TAB2: variants seen among roughly 807,000 people sequenced by gnomAD.
TAB2 encodes TGF-beta-activated kinase 1 and MAP3K7-binding protein 2.
A neutral mutation model predicts 65.0 loss-of-function variants in TAB2; 3 were observed. The observed-to-expected ratio is 0.05, with a 90% CI of 0.02 to 0.12. The LOEUF is 0.12. Among genes scored for constraint, TAB2 ranks in the 10% least tolerant of loss-of-function variants. TAB2 has a pLI of 1.00. For missense variants in TAB2, 623 were observed against 840.3 expected, an observed-to-expected ratio of 0.74 and a Z score of 3.20; for synonymous variants, 298 against 285.1, an observed-to-expected ratio of 1.05 and a Z score of -0.46.
At chr6:149,376,767 T>C (rs926312113) in intron 2 of TAB2, among the ~76,000 whole-genome samples, 1 of 152,248 alleles carries the variant, frequency 6.6e-6, no homozygotes, top group Non-Finnish European at 1.5e-5. Flanking sequence ...TGTCTTTGAT[T>C]CTTCCACAGG....
At position 149,378,585 on chromosome 6, in the gene TAB2, G is replaced by C. The variant is rs1227192675; in HGVS notation, c.670G>C (p.Gly224Arg). 6.2e-7 allele frequency: 1 copy of C among 1,613,664 alleles called. No homozygotes were observed. Among genetic ancestry groups the C allele is most frequent in the Non-Finnish European group, 8.5e-7 (1 of 1,180,020 alleles). ...TAGGCCTTACATTACAACTCCTGGTGGTACAACTCGACAGACACAACAGCA... is the reference window on the plus strand; with the variant it reads ...TAGGCCTTACATTACAACTCCTGGTCGTACAACTCGACAGACACAACAGCA... ...YIRPYITTPG[G>R]TTRQTQQHSG... The change falls in exon 3 of 7, where the codon GGT becomes CGT. Residue 224 changes from glycine (G) to arginine (R), a missense_variant. Transcript: ENST00000637181.
At chr6:149,220,281 T>G (rs1383682028) in intron 1 of TAB2, among the ~76,000 whole-genome samples, 1 of 152,228 alleles carries the variant, frequency 6.6e-6, no homozygotes, top group Non-Finnish European at 1.5e-5. Flanking sequence ...CCTTCTTTAA[T>G]GCCATTCAAA....
At chr6:149,266,590 CA>C (rs1188046595) in intron 1 of TAB2, among the ~76,000 whole-genome samples, 2 of 152,214 alleles carry the variant, frequency 1.3e-5, no homozygotes, top group African/African-American at 4.8e-5. Context: ...TTATAACCCA[CA>C]GCTTGATCCC....
At chr6:149,392,691 T>A (rs1406970954) in intron 3 of TAB2, among the ~76,000 whole-genome samples, 1 of 152,240 alleles carries the variant, frequency 6.6e-6, no homozygotes, top group African/African-American at 2.4e-5. Context: ...ACTTGTTGAC[T>A]TCTGTTGTGA....
At chr6:149,240,146 C>T (rs529965630) in intron 1 of TAB2, among the ~76,000 whole-genome samples, 13 of 152,324 alleles carry the variant, frequency 8.5e-5, no homozygotes, top group Admixed American at 8.5e-4. Flanking sequence ...ATTCTAAAAA[C>T]TACATCTTAT....
chr6:149,303,841 T>G (rs959396265), intron 1 of TAB2, among the ~76,000 whole-genome samples: 8 of 152,102 alleles, frequency 5.3e-5, no homozygotes, highest in South Asian at 2.1e-4. Flanking sequence ...AAGGTAAAGG[T>G]GAATCAGTGA....
chr6:149,266,410 C>T (rs924649577), intron 1 of TAB2, among the ~76,000 whole-genome samples: 2 of 152,200 alleles, frequency 1.3e-5, no homozygotes, highest in African/African-American at 2.4e-5. Context: ...ATAACCTGGT[C>T]ACCTCACTGC....
chr6:149,232,685 G>A (rs1472967442), intron 1 of TAB2, among the ~76,000 whole-genome samples: 1 of 152,170 alleles, frequency 6.6e-6, no homozygotes, highest in African/African-American at 2.4e-5. Context: ...ATAACACTAG[G>A]TGTAGTTAGC....
intron 6 of TAB2, among the ~76,000 whole-genome samples, chr6:149,403,248 ATATAT>A (rs1223820131): frequency 5.9e-4 from 18 of 30,578 alleles, no homozygotes; most frequent in African/African-American, 1.8e-3. Flanking sequence ...AAAAAAAAAA[ATATAT>A]ATATATATAT....
intron 1 of TAB2, among the ~76,000 whole-genome samples, chr6:149,272,424 A>G (rs780161312): frequency 1.3e-5 from 2 of 152,230 alleles, no homozygotes; most frequent in South Asian, 4.1e-4. Context: ...TGGAGGCTCT[A>G]GAAGAGAATC....
intron 1 of TAB2, chr6:149,218,857 A>G (rs2114617901): frequency 2.2e-6 from 1 of 447,454 alleles, no homozygotes; most frequent in Non-Finnish European, 4.5e-6. Flanking sequence ...ACTTCTGTAG[A>G]AATGCCTGGG....
Position 149,411,031 on chromosome 6 carries a change from A to G in TAB2, c.*1312A>G, listed in dbSNP as rs1321849090. ...GAAAAGCTGGAAAAAAAAACAAGCA[A>G]ACTTGAACACTGAAGCAACCTCAAG... On this transcript the variant is annotated 3_prime_UTR_variant, in exon 7 of 7. Transcript: ENST00000637181. 4 of 152,636 alleles carry G rather than the reference A, an allele frequency of 2.6e-5. No homozygotes were observed. In the East Asian group the frequency reaches 5.8e-4, roughly 22 times the overall value. The allele number at this position is 152,636 out of a possible 1,614,324, so 9.5% of individuals were successfully genotyped here.
At chr6:149,221,691 A>G (rs1214425973) in intron 1 of TAB2, among the ~76,000 whole-genome samples, 3 of 152,244 alleles carry the variant, frequency 2.0e-5, no homozygotes, top group Admixed American at 2.0e-4. Flanking sequence ...TAGTCTAGGA[A>G]GAAGGGCAAG....
At chr6:149,390,165 G>A (rs143793175) in intron 3 of TAB2, among the ~76,000 whole-genome samples, 1 of 152,264 alleles carries the variant, frequency 6.6e-6, no homozygotes, top group East Asian at 1.9e-4. Context: ...GATTCCTGTT[G>A]TCAACAAAGT....
intron 1 of TAB2, among the ~76,000 whole-genome samples, chr6:149,273,114 G>A (rs909552039): frequency 6.6e-5 from 10 of 152,118 alleles, no homozygotes; most frequent in South Asian, 2.1e-4. Context: ...ACCACTGATC[G>A]AGTGGGTAGA....
chr6:149,372,366 A>G (rs931390053), intron 2 of TAB2: 2 of 152,184 alleles, frequency 1.3e-5, no homozygotes, highest in Non-Finnish European at 2.9e-5. Flanking sequence ...TTAATAAAAG[A>G]TGTTTATCCA....
chr6:149,313,959 A>G (rs1257066011), upstream of TAB2, among the ~76,000 whole-genome samples: 1 of 152,172 alleles, frequency 6.6e-6, no homozygotes, highest in Non-Finnish European at 1.5e-5. Context: ...CCATCTTACT[A>G]TTAACCAGAC....
intron 1 of TAB2, among the ~76,000 whole-genome samples, chr6:149,290,913 G>A (rs1232071671): frequency 6.6e-6 from 1 of 152,176 alleles, no homozygotes; most frequent in Non-Finnish European, 1.5e-5. Flanking sequence ...ACTGGCTGTT[G>A]AACGAATGAA....
rs1323949712 is a variant in TAB2, at chr6:149,275,281, AAAGAAAGAAAGAAAGAAAG to A, written c.-121+56507_-121+56525del. Among the ~76,000 whole-genome samples the A allele has an allele frequency of 2.2e-4, 34 of 151,258 alleles. 1 individual carries two copies. The highest frequency in any genetic ancestry group is 5.9e-4 in the East Asian group (3 of 5,114). On this transcript the variant is annotated intron_variant, in intron 1 of 1. Transcript: ENST00000606202. Reference sequence around the variant, plus strand: ...GAAAGAAAGAAAGAAAGAAAGAAAGAAAGAAAGAAAGAAAGAAAGAGAAAAAAGAAAAGAGCACAATTAT... The same window carrying A: ...GAAAGAAAGAAAGAAAGAAAGAAAGAAGAAAAAAGAAAAGAGCACAATTAT...
Sources: gnomAD v4.1 joint callset for allele counts (sites outside exome capture counted in the v4.1 genomes callset) on GRCh38, gnomAD v4.1.1 for gene constraint, MANE v1.5 for transcripts, NCBI Gene and HGNC (gene_info 2026-07-23, HGNC 2026-07-21) for gene names.